CRTAC1: variants seen among roughly 807,000 people sequenced by gnomAD.
CRTAC1 encodes cartilage acidic protein 1.
CRTAC1 carries 37 observed loss-of-function variants against 67.8 expected under a neutral mutation model. The ratio of observed to expected loss-of-function variants is 0.55; its 90% CI spans 0.42 to 0.72. The LOEUF (loss-of-function observed/expected upper bound fraction) is 0.72. Among genes scored for constraint, CRTAC1 ranks in the 30% least tolerant of loss-of-function variants. The pLI is 0.00. For synonymous variants in CRTAC1, 348 were observed against 371.0 expected (o/e 0.94, Z 0.71); for missense variants, 780 against 931.6 (o/e 0.84, Z 2.12).
Position 97,964,199 on chromosome 10 carries a change from C to T in CRTAC1, c.225-27833G>A, listed in dbSNP as rs115393579. 3.0e-3 allele frequency among the ~76,000 whole-genome samples: 464 copies of T among 152,258 alleles called. 3 individuals are homozygous for T. Among genetic ancestry groups the T allele is most frequent in the African/African-American group, 0.01 (419 of 41,538 alleles). On this transcript the variant is annotated intron_variant, in intron 2 of 14. Transcript: ENST00000370597. The stretch of plus-strand genomic sequence containing the variant: ...CAGTGCATTACGCTGGGTGGCTTGT[C>T]GGGGCCTAAAAGCCCTAAGATGAGT...
intron 2 of CRTAC1, among the ~76,000 whole-genome samples, chr10:97,937,487 C>T (rs2051108340): frequency 1.3e-5 from 2 of 152,218 alleles, no homozygotes; most frequent in Non-Finnish European, 2.9e-5. Context: ...TCTGTCTGGT[C>T]CCACTAGAAT....
At chr10:97,911,852 G>A (rs2050692063) in intron 5 of CRTAC1, among the ~76,000 whole-genome samples, 2 of 152,106 alleles carry the variant, frequency 1.3e-5, no homozygotes, top group Non-Finnish European at 2.9e-5. Flanking sequence ...ACCAAATTCG[G>A]TCACCCAGGG....
At chr10:97,992,335 T>C (rs1403962940) in intron 2 of CRTAC1, among the ~76,000 whole-genome samples, 1 of 152,188 alleles carries the variant, frequency 6.6e-6, no homozygotes, top group Admixed American at 6.5e-5. Flanking sequence ...AGGTTACTGA[T>C]GGAAAAATAT....
intron 2 of CRTAC1, among the ~76,000 whole-genome samples, chr10:97,958,970 A>T (rs2051482282): frequency 6.6e-6 from 1 of 152,108 alleles, no homozygotes; most frequent in Non-Finnish European, 1.5e-5. Flanking sequence ...AGACATGGGC[A>T]CTCTGGAAAT....
At chr10:97,926,005 C>T (rs1475770212) in intron 3 of CRTAC1, among the ~76,000 whole-genome samples, 1 of 152,184 alleles carries the variant, frequency 6.6e-6, no homozygotes, top group Non-Finnish European at 1.5e-5. Context: ...GAGTTGGCCT[C>T]AAGGGTCCTC....
At chr10:98,010,180 C>CAG (rs1842878267) in intron 2 of CRTAC1, among the ~76,000 whole-genome samples, 1 of 151,988 alleles carries the variant, frequency 6.6e-6, no homozygotes, top group African/African-American at 2.4e-5. Context: ...GCTGGGATTA[C>CAG]ATGCGCGCGC....
intron 6 of CRTAC1, 39 bp from the exon 7 acceptor site, chr10:97,904,853 C>A: frequency 6.4e-7 from 1 of 1,557,788 alleles, no homozygotes. Context: ...GCGGCATCCC[C>A]TGCACACTCC....
rs1003195360 is a variant in CRTAC1, at chr10:97,901,817, G to C, written c.997-178C>G. 2.0e-5 allele frequency among the ~76,000 whole-genome samples: 3 copies of C among 152,208 alleles called. No individual in the cohort carries two copies. In the South Asian group the frequency reaches 6.2e-4, roughly 32 times the overall value. Reference sequence around the variant, plus strand: ...TTTAGGACCACACAGACCTCAGGCTGCTTGTACGAGAAGAAGGAGGGAAGA... The same window carrying C: ...TTTAGGACCACACAGACCTCAGGCTCCTTGTACGAGAAGAAGGAGGGAAGA... On this transcript the variant is annotated intron_variant, in intron 7 of 14. Coordinates refer to ENST00000370597, the MANE Select transcript of CRTAC1 (RefSeq NM_018058.7).
At chr10:98,011,633 T>C (rs762479962) in intron 1 of CRTAC1, among the ~76,000 whole-genome samples, 1 of 152,220 alleles carries the variant, frequency 6.6e-6, no homozygotes, top group African/African-American at 2.4e-5. Context: ...TGATTACACT[T>C]ATTATTTATT....
intron 2 of CRTAC1, among the ~76,000 whole-genome samples, chr10:97,981,967 G>A (rs1464716171): frequency 6.6e-6 from 1 of 152,156 alleles, no homozygotes; most frequent in Non-Finnish European, 1.5e-5. Context: ...CATATACAAA[G>A]TGAAACTGCA....
chr10:97,948,384 G>C (rs2051297835), intron 2 of CRTAC1, among the ~76,000 whole-genome samples: 1 of 152,196 alleles, frequency 6.6e-6, no homozygotes, highest in African/African-American at 2.4e-5. Context: ...CTAGACTGAG[G>C]AGGGTGCATG....
chr10:97,888,574 G>T (rs892142008), intron 11 of CRTAC1, among the ~76,000 whole-genome samples: 1 of 152,206 alleles, frequency 6.6e-6, no homozygotes, highest in Non-Finnish European at 1.5e-5. Context: ...ATTGAGGCTT[G>T]ACAAGGGGAA....
chr10:97,887,981 A>G (rs1351156420), intron 11 of CRTAC1, among the ~76,000 whole-genome samples: 1 of 152,238 alleles, frequency 6.6e-6, no homozygotes, highest in Non-Finnish European at 1.5e-5. Flanking sequence ...GGAAGGTGCC[A>G]GTGTTATCAT....
chr10:97,958,869 A>C (rs1056740278), intron 2 of CRTAC1, among the ~76,000 whole-genome samples: 2 of 152,182 alleles, frequency 1.3e-5, no homozygotes, highest in African/African-American at 4.8e-5. Flanking sequence ...CGGGTCCTAA[A>C]AAATAAGGTC....
At chr10:97,947,230 G>A (rs1213633777) in intron 2 of CRTAC1, among the ~76,000 whole-genome samples, 2 of 152,180 alleles carry the variant, frequency 1.3e-5, no homozygotes, top group Non-Finnish European at 2.9e-5. Flanking sequence ...GGCACACCGC[G>A]AGGTACTGTG....
At chr10:97,980,256 C>T (rs1367904408) in intron 2 of CRTAC1, among the ~76,000 whole-genome samples, 1 of 152,216 alleles carries the variant, frequency 6.6e-6, no homozygotes, top group African/African-American at 2.4e-5. Context: ...CACCCACCCT[C>T]ATATAAGGTA....
At chr10:97,938,238 A>C (rs572584874) in intron 2 of CRTAC1, among the ~76,000 whole-genome samples, 1 of 152,326 alleles carries the variant, frequency 6.6e-6, no homozygotes, top group South Asian at 2.1e-4. Context: ...AGAGACAGGT[A>C]CTTGGGTTCC....
intron 12 of CRTAC1, 58 bp from the exon 13 acceptor site, chr10:97,882,886 C>T (rs2050234839): frequency 1.3e-6 from 2 of 1,560,168 alleles, no homozygotes; most frequent in Admixed American, 1.7e-5. Context: ...ATCCCAGGTT[C>T]CCTCCTAGTC....
At chr10:97,886,900 T>A (rs2050294005) in intron 11 of CRTAC1, among the ~76,000 whole-genome samples, 1 of 151,932 alleles carries the variant, frequency 6.6e-6, no homozygotes, top group Non-Finnish European at 1.5e-5. Context: ...CCACCTCAGC[T>A]TCTTAAAGTG....
Sources: allele counts gnomAD v4.1 joint callset (sites outside exome capture counted in the v4.1 genomes callset), GRCh38; gene constraint gnomAD v4.1.1; transcripts MANE v1.5; gene names NCBI Gene and HGNC (gene_info 2026-07-23, HGNC 2026-07-21).